The following ZSCAN25 variants were observed in gnomAD, a reference collection of about 807,000 sequenced individuals.
ZSCAN25 encodes zinc finger and SCAN domain containing 25, also known as zinc finger and SCAN domain-containing protein 25.
ZSCAN25 carries 27 observed loss-of-function variants against 38.7 expected under a neutral mutation model. The ratio of observed to expected loss-of-function variants is 0.70; its 90% confidence interval spans 0.51 to 0.96. ZSCAN25 has a LOEUF of 0.96. Among genes scored for constraint, ZSCAN25 ranks in the 40% least tolerant of loss-of-function variants. The probability of loss-of-function intolerance (pLI) is 0.00; values close to 1 mark genes in which losing one functional copy is unlikely to be tolerated. For missense variants in ZSCAN25, 637 were observed against 705.9 expected (o/e 0.90, Z 1.11); for synonymous variants, 273 against 277.7 (o/e 0.98, Z 0.17).
the ZSCAN25 span, chr7:99,679,872 C>T: frequency 1.2e-6 from 2 of 1,614,098 alleles, no homozygotes; most frequent in Non-Finnish European, 1.7e-6. Flanking sequence ...CAGGTTTCCA[C>T]CGCCAAATTT....
At chr7:99,694,126 G>A in the ZSCAN25 span, among the ~76,000 whole-genome samples, 4 of 152,154 alleles carry the variant, frequency 2.6e-5, no homozygotes, top group African/African-American at 4.8e-5. Flanking sequence ...TTCATGTATT[G>A]TCTCTAAAAT....
At chr7:99,694,066 A>G in the ZSCAN25 span, among the ~76,000 whole-genome samples, 13 of 152,300 alleles carry the variant, frequency 8.5e-5, no homozygotes, top group South Asian at 2.7e-3. Context: ...ATGACTTATC[A>G]TTGTGTGTAA....
the ZSCAN25 span, among the ~76,000 whole-genome samples, chr7:99,655,019 T>G: frequency 5.4e-4 from 83 of 152,346 alleles, 1 homozygote; most frequent in African/African-American, 1.9e-3. Context: ...TTTCTCCCAT[T>G]CTGTCGGTTG....
the ZSCAN25 span, among the ~76,000 whole-genome samples, chr7:99,656,782 T>A: frequency 1.2e-4 from 19 of 152,092 alleles, no homozygotes; most frequent in African/African-American, 3.9e-4. Flanking sequence ...CTATTCAGAG[T>A]TTCAACTTCT....
the ZSCAN25 span, among the ~76,000 whole-genome samples, chr7:99,722,985 G>A: frequency 1.3e-5 from 2 of 151,898 alleles, no homozygotes; most frequent in African/African-American, 2.4e-5. Flanking sequence ...ACACATCGGA[G>A]ACAGAAAATT....
At chr7:99,646,924 CATCT>C in the ZSCAN25 span, among the ~76,000 whole-genome samples, 1 of 151,538 alleles carries the variant, frequency 6.6e-6, no homozygotes, top group South Asian at 2.1e-4. Context: ...TCTATCTATC[CATCT>C]ATCTATCTAG....
chr7:99,632,415 C>A, downstream of ZSCAN25: 1 of 334,988 alleles, frequency 3.0e-6, no homozygotes, highest in Non-Finnish European at 4.2e-6. Flanking sequence ...CTTGTTTCAT[C>A]TCTGTCCACT....
the ZSCAN25 span, chr7:99,722,180 G>T: frequency 1.5e-6 from 2 of 1,309,430 alleles, no homozygotes; most frequent in Admixed American, 1.9e-5. Flanking sequence ...TCTGTTTGTA[G>T]TTAGGCTGGC....
the ZSCAN25 span, among the ~76,000 whole-genome samples, chr7:99,722,724 G>T: frequency 1.3e-5 from 2 of 152,188 alleles, no homozygotes; most frequent in African/African-American, 2.4e-5. Context: ...ATGTGAGTGA[G>T]CGCCAGAAGG....
the ZSCAN25 span, chr7:99,734,966 C>A: frequency 4.3e-6 from 7 of 1,612,320 alleles, no homozygotes; most frequent in Admixed American, 1.2e-4. Context: ...AAAGAGAGGC[C>A]TGATTAGCAC....
chr7:99,617,309 G>T (rs923213751), intron 1 of ZSCAN25, among the ~76,000 whole-genome samples: 2 of 152,240 alleles, frequency 1.3e-5, no homozygotes, highest in Non-Finnish European at 2.9e-5. Flanking sequence ...AACCCGAAGA[G>T]ATCTTGAACC....
the ZSCAN25 span, among the ~76,000 whole-genome samples, chr7:99,692,739 G>A: frequency 1.3e-5 from 2 of 152,102 alleles, no homozygotes; most frequent in African/African-American, 4.8e-5. Flanking sequence ...ATGGTTTTGA[G>A]CTGTCAGGTC....
chr7:99,658,091 A>C, the ZSCAN25 span, among the ~76,000 whole-genome samples: 5 of 152,126 alleles, frequency 3.3e-5, no homozygotes, highest in Non-Finnish European at 7.4e-5. Flanking sequence ...ATTTAAGGTT[A>C]ATATTTTTAT....
At chr7:99,638,841 A>G in the ZSCAN25 span, 1 of 665,892 alleles carries the variant, frequency 1.5e-6, no homozygotes, top group African/African-American at 1.8e-5. Context: ...CGCCGCTGCG[A>G]AACTGAAACG....
At chr7:99,648,031 C>T in the ZSCAN25 span, 1 of 985,326 alleles carries the variant, frequency 1.0e-6, no homozygotes, top group Non-Finnish European at 1.2e-6. Flanking sequence ...GTTGATAATG[C>T]TAACTAGAGG....
At chr7:99,666,549 A>G in the ZSCAN25 span, 1 of 1,578,006 alleles carries the variant, frequency 6.3e-7, no homozygotes, top group Non-Finnish European at 8.7e-7. Flanking sequence ...CATGGCAGGC[A>G]GCTGGAAGGG....
the ZSCAN25 span, among the ~76,000 whole-genome samples, chr7:99,692,337 T>G: frequency 6.6e-6 from 1 of 152,234 alleles, no homozygotes; most frequent in Non-Finnish European, 1.5e-5. Flanking sequence ...ATTTTTTCCT[T>G]CATTTCAACC....
rs1393964130 is a variant in ZSCAN25, at chr7:99,631,923, A to T, written c.*1903A>T. On this transcript the variant is annotated 3_prime_UTR_variant, in exon 8 of 8. Coordinates refer to ENST00000394152, the MANE Select transcript of ZSCAN25 (RefSeq NM_145115.3). The stretch of plus-strand genomic sequence containing the variant: ...TTCCCCCGTAATTATCAGAGCAGCT[A>T]GGCAGGGCTGACAGCCAGGCAGACT... 3 of 985,390 alleles carry T rather than the reference A, an allele frequency of 3.0e-6. No individual in the cohort carries two copies. In the African/African-American group the frequency reaches 5.2e-5, roughly 17 times the overall value. 61.0% of individuals were successfully genotyped at this position (985,390 alleles called of 1,614,324 possible). A position where few individuals can be genotyped will look rare whatever the true frequency, so the allele number is the denominator to read the frequency against.
At chr7:99,729,263 A>G in the ZSCAN25 span, among the ~76,000 whole-genome samples, 42 of 152,208 alleles carry the variant, frequency 2.8e-4, no homozygotes, top group African/African-American at 9.4e-4. Context: ...TATACAACAA[A>G]TATTACTTTT....
Sources: gnomAD v4.1 joint callset for allele counts (sites outside exome capture counted in the v4.1 genomes callset) on GRCh38, gnomAD v4.1.1 for gene constraint, MANE v1.5 for transcripts, NCBI Gene and HGNC (gene_info 2026-07-23, HGNC 2026-07-21) for gene names.